COL8A1: variants seen among roughly 807,000 people sequenced by gnomAD.
COL8A1 encodes the protein collagen type VIII alpha 1 chain, also known as collagen alpha-1(VIII) chain.
In COL8A1, 21 loss-of-function variants were observed where a neutral mutation model predicts 42.7. The ratio of observed to expected loss-of-function variants is 0.49; its 90% CI spans 0.35 to 0.71. The LOEUF (loss-of-function observed/expected upper bound fraction) is 0.71. Among genes scored for constraint, COL8A1 ranks in the 30% least tolerant of loss-of-function variants. The probability of loss-of-function intolerance (pLI) is 0.01; values close to 1 mark genes in which losing one functional copy is unlikely to be tolerated. For missense variants in COL8A1, 788 were observed against 962.4 expected (o/e 0.82, Z 2.40); for synonymous variants, 367 against 369.1 (o/e 0.99, Z 0.06).
intron 1 of COL8A1, among the ~76,000 whole-genome samples, chr3:99,692,807 C>T (rs1259826313): frequency 1.3e-5 from 2 of 152,212 alleles, no homozygotes; most frequent in African/African-American, 4.8e-5. Flanking sequence ...CAACATATTA[C>T]TCAGGTGTTT....
chr3:99,772,566 A>G (rs749585807), intron 2 of COL8A1, among the ~76,000 whole-genome samples: 30 of 152,332 alleles, frequency 2.0e-4, no homozygotes, highest in Middle Eastern at 3.4e-3. Context: ...GGAGGAATAT[A>G]TGGGAACTTT....
intron 1 of COL8A1, among the ~76,000 whole-genome samples, chr3:99,674,685 C>T (rs1351490380): frequency 1.3e-5 from 2 of 152,106 alleles, no homozygotes; most frequent in East Asian, 3.9e-4. Context: ...TCACAATGGC[C>T]AGCACAGAAA....
intron 2 of COL8A1, among the ~76,000 whole-genome samples, chr3:99,773,837 A>ATATATATATATATATATTTTT (rs1200212756): frequency 4.4e-5 from 2 of 45,400 alleles, no homozygotes; most frequent in African/African-American, 1.3e-4. Context: ...ATATATATAT[A>ATATATATATATATATATTTTT]TTTTTTTTTT....
At chr3:99,662,833 G>A (rs972139813) in intron 1 of COL8A1, among the ~76,000 whole-genome samples, 3 of 152,130 alleles carry the variant, frequency 2.0e-5, no homozygotes, top group African/African-American at 7.2e-5. Context: ...TTCACATGGA[G>A]TTCTCCCTGT....
chr3:99,789,748 A>G (rs1464122021), intron 2 of COL8A1, among the ~76,000 whole-genome samples: 1 of 152,202 alleles, frequency 6.6e-6, no homozygotes. Flanking sequence ...TTAATAGTTA[A>G]ACATCTCCCT....
At chr3:99,723,598 C>A (rs966033206) in intron 1 of COL8A1, among the ~76,000 whole-genome samples, 17 of 152,096 alleles carry the variant, frequency 1.1e-4, no homozygotes, top group African/African-American at 4.1e-4. Flanking sequence ...TGGAAAGAAG[C>A]CTTATGAAAT....
chr3:99,658,114 CA>C (rs1280002372), intron 1 of COL8A1, among the ~76,000 whole-genome samples: 1 of 93,292 alleles, frequency 1.1e-5, no homozygotes, highest in East Asian at 3.4e-4. Flanking sequence ...GACTCCATCT[CA>C]AAAAAACAAA....
chr3:99,727,130 T>A (rs1243139278), intron 1 of COL8A1, among the ~76,000 whole-genome samples: 1 of 152,188 alleles, frequency 6.6e-6, no homozygotes, highest in Non-Finnish European at 1.5e-5. Flanking sequence ...GTCCTTCACT[T>A]CCCTTGTCAG....
At chr3:99,722,446 G>A (rs1197569629) in intron 1 of COL8A1, among the ~76,000 whole-genome samples, 2 of 152,054 alleles carry the variant, frequency 1.3e-5, no homozygotes, top group African/African-American at 4.8e-5. Context: ...AGCAGGAGTA[G>A]GTACCTGACA....
intron 1 of COL8A1, among the ~76,000 whole-genome samples, chr3:99,707,972 A>G (rs1939729837): frequency 2.0e-5 from 3 of 152,062 alleles, no homozygotes; most frequent in Non-Finnish European, 4.4e-5. Flanking sequence ...TCACACAGCC[A>G]CTAAGTGGGA....
intron 1 of COL8A1, among the ~76,000 whole-genome samples, chr3:99,712,227 G>T (rs1939856735): frequency 1.3e-5 from 2 of 152,118 alleles, no homozygotes; most frequent in Non-Finnish European, 2.9e-5. Flanking sequence ...GGTTCAAGTG[G>T]TACTTTCTTT....
At position 99,671,699 on chromosome 3, in the gene COL8A1, A is replaced by G. The variant is rs114058485; in HGVS notation, c.-129+33035A>G. 5.5e-3 allele frequency among the ~76,000 whole-genome samples: 844 copies of G among 152,134 alleles called. 3 individuals are homozygous for G. Among genetic ancestry groups the G allele is most frequent in the African/African-American group, 0.02 (816 of 41,530 alleles). ...GTTACGAAGGATGTGGAGAAAATGG[A>G]ACCATTGTACATTGTTGGTGGGAAT... On this transcript the variant is annotated intron_variant, in intron 1 of 3. Transcript: ENST00000652472.
intron 1 of COL8A1, among the ~76,000 whole-genome samples, chr3:99,734,933 A>C (rs1203367679): frequency 6.7e-6 from 1 of 150,202 alleles, no homozygotes; most frequent in East Asian, 2.0e-4. Flanking sequence ...GAGTTCACTC[A>C]TGATTTGGTT....
chr3:99,687,490 C>T (rs561784899), intron 1 of COL8A1, among the ~76,000 whole-genome samples: 12 of 152,262 alleles, frequency 7.9e-5, no homozygotes, highest in African/African-American at 2.4e-4. Flanking sequence ...GAGAATTGCA[C>T]TCCATGCGAT....
chr3:99,795,690 C>T lies in COL8A1; in HGVS notation c.1789C>T (p.Pro597Ser), dbSNP rs767659023. The T allele has an allele frequency of 4.0e-5, 65 of 1,613,934 alleles. No individual in the cohort carries two copies. Among genetic ancestry groups the T allele is most frequent in the Non-Finnish European group, 5.5e-5 (65 of 1,179,910 alleles). The change falls in exon 4 of 4, where the codon CCC becomes TCC. Residue 597 changes from proline (P) to serine (S), a missense_variant. Pro to Ser is a moderately conservative substitution (Grantham distance 74, BLOSUM62 -1). Transcript: ENST00000652472. ...DMGLGIDGVK[P>S]PHAYGAKKGK... is the part of the protein sequence containing the mutation. ...GGGGCTGGGAATTGATGGCGTGAAA[C>T]CCCCCCATGCCTACGGGGCTAAGAA... is the stretch of plus-strand genomic sequence containing the variant.
intron 1 of COL8A1, among the ~76,000 whole-genome samples, chr3:99,656,055 T>A (rs576071382): frequency 6.6e-6 from 1 of 152,368 alleles, no homozygotes; most frequent in African/African-American, 2.4e-5. Flanking sequence ...CAGCTAATTA[T>A]AAATTTATTG....
intron 1 of COL8A1, among the ~76,000 whole-genome samples, chr3:99,659,099 A>G (rs1343794360): frequency 3.3e-5 from 5 of 152,196 alleles, no homozygotes; most frequent in African/African-American, 1.2e-4. Context: ...CAAGACCAGA[A>G]AGCAGATGCC....
intron 1 of COL8A1, among the ~76,000 whole-genome samples, chr3:99,663,812 A>C (rs1021888872): frequency 2.0e-5 from 3 of 152,076 alleles, no homozygotes; most frequent in African/African-American, 7.2e-5. Flanking sequence ...TTTTTGTAAA[A>C]TTTCTCCACA....
intron 2 of COL8A1, among the ~76,000 whole-genome samples, chr3:99,767,782 A>G (rs1008535151): frequency 1.3e-5 from 2 of 152,234 alleles, no homozygotes; most frequent in African/African-American, 4.8e-5. Flanking sequence ...GTAAGATATT[A>G]TAAAAGACAA....
Sources: allele counts gnomAD v4.1 joint callset (sites outside exome capture counted in the v4.1 genomes callset), GRCh38; gene constraint gnomAD v4.1.1; transcripts MANE v1.5; gene names NCBI Gene and HGNC (gene_info 2026-07-23, HGNC 2026-07-21).